The following PGM2 variants were observed in gnomAD, a reference collection of about 807,000 sequenced individuals.
PGM2 encodes phosphoglucomutase 2.
PGM2 carries 57 observed loss-of-function variants against 74.6 expected under a neutral mutation model. The ratio of observed to expected loss-of-function variants is 0.76; its 90% CI spans 0.62 to 0.95. The LOEUF (loss-of-function observed/expected upper bound fraction) is 0.95. Ranked by LOEUF, PGM2 falls within the 40% of genes least tolerant of loss-of-function variation. PGM2 has a pLI of 0.00. For synonymous variants in PGM2, 273 were observed against 260.7 expected, an observed-to-expected ratio of 1.05 and a Z score of -0.46; for missense variants, 706 against 741.9, an observed-to-expected ratio of 0.95 and a Z score of 0.56.
chr4:37,850,239 A>G lies in PGM2; in HGVS notation c.1468A>G (p.Ile490Val), dbSNP rs769763792. 6.3e-7 allele frequency: 1 copy of G among 1,583,410 alleles called. No homozygotes were observed. Among genetic ancestry groups the G allele is most frequent in the Non-Finnish European group, 8.6e-7 (1 of 1,168,848 alleles). ...SYFICHDQET[I>V]KKLFENLRNY... The stretch of plus-strand genomic sequence containing the variant: ...TTTTATCTGCCATGATCAAGAAACC[A>G]TTAAGAAATTATTTGAAAACCTCAG... The change falls in exon 12 of 14, where the codon ATT becomes GTT. Residue 490 changes from isoleucine to valine, a missense_variant. Coordinates refer to ENST00000381967, the MANE Select transcript of PGM2 (RefSeq NM_018290.4).
rs75448255 is a variant in PGM2, at chr4:37,840,807, G to A, written c.719+548G>A. On this transcript the variant is annotated intron_variant, in intron 6 of 13. Transcript: ENST00000381967. ...TCTTTCTCAGCTACTCAACTCTGCTGTTTTAGTACAAAAGCCATCATAGAT... is the reference window on the plus strand; with the variant it reads ...TCTTTCTCAGCTACTCAACTCTGCTATTTTAGTACAAAAGCCATCATAGAT... 7.5e-3 allele frequency among the ~76,000 whole-genome samples: 1,143 copies of A among 152,184 alleles called. 15 individuals are homozygous for A. Among genetic ancestry groups the A allele is most frequent in the African/African-American group, 0.026 (1,076 of 41,516 alleles).
At chr4:37,853,358 CCT>C (rs1491224414) in intron 12 of PGM2, among the ~76,000 whole-genome samples, 1 of 64,682 alleles carries the variant, frequency 1.5e-5, no homozygotes, top group African/African-American at 7.2e-5. Flanking sequence ...GGGTGATATT[CCT>C]TTTTTTTTTT....
Position 37,830,007 on chromosome 4 carries a change from G to A in PGM2, c.125G>A (p.Gly42Asp), listed in dbSNP as rs1372869462. The part of the protein sequence containing the change: ...LEAVKRLIAE[G>D]NKEELRKCFG... ...GCAGTGAAACGACTAATAGCAGAAG[G>A]TAATAAAGAAGAACTACGAAAATGT... The change falls in exon 2 of 14, where the codon GGT (glycine) becomes GAT (aspartate). Residue 42 changes from glycine (G) to aspartate (D), a missense_variant. Physicochemically the swap from Gly to Asp is moderately conservative, Grantham distance 94. Around this residue, in one of 3 missense-constraint regions of PGM2, gnomAD observed 332 missense variants for 334.9 expected, o/e 0.99. Coordinates refer to ENST00000381967, the MANE Select transcript of PGM2 (RefSeq NM_018290.4). The A allele has an allele frequency of 6.2e-7, 1 of 1,609,468 alleles. No homozygotes were observed. The highest frequency in any genetic ancestry group is 8.5e-7 in the Non-Finnish European group (1 of 1,178,188).
intron 8 of PGM2, among the ~76,000 whole-genome samples, chr4:37,846,701 C>A (rs776835246): frequency 1.8e-4 from 28 of 152,342 alleles, no homozygotes; most frequent in Non-Finnish European, 3.7e-4. Context: ...TCTTCAAAGA[C>A]AGGATGTCTG....
chr4:37,862,195 C>G lies in PGM2; in HGVS notation c.*583C>G, dbSNP rs1384593446. The G allele has an allele frequency of 2.6e-5, 4 of 152,370 alleles. No homozygotes were observed. The East Asian group carries it at 7.7e-4, about 29-fold the overall frequency. The allele number at this position is 152,370 out of a possible 1,614,324, so 9.4% of individuals were successfully genotyped here. ...TTTTTGAACTAAATTTTTTTTAGTT[C>G]TAATAATGCACATAGGATATTAGTA... On this transcript the variant is annotated 3_prime_UTR_variant, in exon 14 of 14. Transcript: ENST00000381967.
chr4:37,848,114 C>T (rs1019467112), intron 10 of PGM2, among the ~76,000 whole-genome samples: 30 of 152,274 alleles, frequency 2.0e-4, no homozygotes, highest in African/African-American at 6.7e-4. Flanking sequence ...CTGACCTTAG[C>T]CTACAGCAGC....
At chr4:37,853,957 T>G (rs1726118678) in intron 12 of PGM2, among the ~76,000 whole-genome samples, 1 of 152,220 alleles carries the variant, frequency 6.6e-6, no homozygotes, top group Admixed American at 6.5e-5. Context: ...CAAACCCTGT[T>G]CCTGCTTTCC....
At position 37,859,419 on chromosome 4, in the gene PGM2, C is replaced by G. The variant is rs562809344; in HGVS notation, c.1737-2091C>G. 2.0e-5 allele frequency among the ~76,000 whole-genome samples: 3 copies of G among 152,270 alleles called. No homozygotes were observed. In the South Asian group the frequency reaches 6.2e-4, roughly 32 times the overall value. The stretch of plus-strand genomic sequence containing the variant: ...GGGGCCAGCTCGGCAAGTCTGAAAT[C>G]TGCAGGGCAGGCTGTCCAGAAAGGG... On this transcript the variant is annotated intron_variant, in intron 13 of 13. Transcript: ENST00000381967.
At chr4:37,837,909 C>T (rs1396961444) in intron 4 of PGM2, among the ~76,000 whole-genome samples, 1 of 151,512 alleles carries the variant, frequency 6.6e-6, no homozygotes, top group East Asian at 1.9e-4. Context: ...GAGACAGAGT[C>T]TCGCTCTGTT....
intron 13 of PGM2, among the ~76,000 whole-genome samples, chr4:37,859,171 T>G (rs1027962928): frequency 6.6e-6 from 1 of 152,210 alleles, no homozygotes; most frequent in Non-Finnish European, 1.5e-5. Context: ...TTGAGATTTT[T>G]CTGTACCATT....
intron 10 of PGM2, 72 bp downstream of exon 10, chr4:37,847,367 G>A (rs1725906198): frequency 9.1e-7 from 1 of 1,099,940 alleles, no homozygotes; most frequent in Non-Finnish European, 1.4e-6. Flanking sequence ...GGGATTCAAA[G>A]ATCCACAGTG....
chr4:37,857,102 C>G (rs1711545720), intron 13 of PGM2, among the ~76,000 whole-genome samples: 1 of 152,120 alleles, frequency 6.6e-6, no homozygotes, highest in Non-Finnish European at 1.5e-5. Context: ...CCAGATTATT[C>G]CAAACATACT....
intron 8 of PGM2, among the ~76,000 whole-genome samples, chr4:37,846,560 T>C (rs949964209): frequency 2.0e-5 from 3 of 152,176 alleles, no homozygotes; most frequent in Non-Finnish European, 4.4e-5. Context: ...AGTCCAGAAA[T>C]TGAGATAGCA....
At chr4:37,834,891 T>G (rs1334666608) in intron 3 of PGM2, among the ~76,000 whole-genome samples, 167 bp downstream of exon 3, 1 of 152,236 alleles carries the variant, frequency 6.6e-6, no homozygotes, top group Non-Finnish European at 1.5e-5. Context: ...GGTTTTACAT[T>G]AGGTTAAGGA....
intron 11 of PGM2, among the ~76,000 whole-genome samples, chr4:37,849,811 A>G (rs1725986224): frequency 1.3e-5 from 2 of 151,506 alleles, no homozygotes; most frequent in Admixed American, 6.6e-5. Context: ...ATTTTTTGAG[A>G]TGGAGTCTCT....
intron 3 of PGM2, among the ~76,000 whole-genome samples, chr4:37,835,509 C>T (rs1725545222): frequency 6.6e-6 from 1 of 152,194 alleles, no homozygotes; most frequent in Non-Finnish European, 1.5e-5. Flanking sequence ...CAACCCCTGC[C>T]CGTAACCATG....
At chr4:37,849,782 A>C (rs1010170854) in intron 11 of PGM2, among the ~76,000 whole-genome samples, 1 of 151,260 alleles carries the variant, frequency 6.6e-6, no homozygotes, top group East Asian at 1.9e-4. Flanking sequence ...TTATTTTATT[A>C]TTTATTTTAT....
chr4:37,826,694 C>A lies in PGM2; in HGVS notation c.-39C>A. The A allele has an allele frequency of 2.0e-6, 3 of 1,501,558 alleles. No homozygotes were observed. Among genetic ancestry groups the A allele is most frequent in the Non-Finnish European group, 1.8e-6 (2 of 1,102,502 alleles). 93.0% of individuals were successfully genotyped at this position (1,501,558 alleles called of 1,614,324 possible). ...GGGCCGGGCCGGAAGGCAGATCTCA[C>A]CGCCTGCTTCCCTCTGCAGCGGTAG... On this transcript the variant is annotated 5_prime_UTR_variant, in exon 1 of 14. Coordinates refer to ENST00000381967, the MANE Select transcript of PGM2 (RefSeq NM_018290.4).
rs11358189 is a variant in PGM2, at chr4:37,853,359, CTT to C, written c.1603-2227_1603-2226del. 8.2e-3 allele frequency among the ~76,000 whole-genome samples: 1,030 copies of C among 125,038 alleles called. 16 individuals are homozygous for C. Among genetic ancestry groups the C allele is most frequent in the African/African-American group, 0.026 (814 of 30,848 alleles). The allele number at this position is 125,038 out of a possible 152,430, so 82.0% of individuals were successfully genotyped here. A position where few individuals can be genotyped will look rare whatever the true frequency, so the allele number is the denominator to read the frequency against. On this transcript the variant is annotated intron_variant, in intron 12 of 13. Coordinates refer to ENST00000381967, the MANE Select transcript of PGM2 (RefSeq NM_018290.4). The stretch of plus-strand genomic sequence containing the variant: ...TGCTGTGTTGCCCAGGGTGATATTC[CTT>C]TTTTTTTTTTTTTTTTTTTTTAATG...
Sources: allele counts gnomAD v4.1 joint callset (sites outside exome capture counted in the v4.1 genomes callset), GRCh38; gene constraint gnomAD v4.1.1; regional missense constraint gnomAD v4.1.1; transcripts MANE v1.5; gene names NCBI Gene and HGNC (gene_info 2026-07-23, HGNC 2026-07-21).